Variants in MED13L observed in about 807,000 individuals in gnomAD.
MED13L encodes mediator complex subunit 13L, also known as mediator of RNA polymerase II transcription subunit 13-like.
MED13L carries 7 observed loss-of-function variants against 220.9 expected under a neutral mutation model. The observed-to-expected ratio is 0.03, with a 90% CI of 0.02 to 0.06. MED13L has a LOEUF of 0.06. Among genes scored for constraint, MED13L ranks in the 10% least tolerant of loss-of-function variants. The probability of loss-of-function intolerance (pLI) is 1.00; values close to 1 mark genes in which losing one functional copy is unlikely to be tolerated. For missense variants in MED13L, 1,965 were observed against 2,760.5 expected (o/e 0.71, Z 6.46); for synonymous variants, 1,011 against 1,015.2 (o/e 1.00, Z 0.08).
chr12:116,241,046 C>G (rs1035238317), intron 1 of MED13L, among the ~76,000 whole-genome samples: 1 of 151,812 alleles, frequency 6.6e-6, no homozygotes, highest in Non-Finnish European at 1.5e-5. Context: ...CAGTGGCTCA[C>G]GCCTGTAATC....
intron 2 of MED13L, among the ~76,000 whole-genome samples, chr12:116,148,076 A>AGGG (rs1555216256): frequency 1.2e-4 from 6 of 50,526 alleles, no homozygotes; most frequent in African/African-American, 1.6e-4. Flanking sequence ...AAAAAAAAAG[A>AGGG]GGGGGGCGGG....
chr12:116,259,748 T>C (rs996911272), intron 1 of MED13L, among the ~76,000 whole-genome samples: 7 of 152,262 alleles, frequency 4.6e-5, no homozygotes, highest in African/African-American at 1.2e-4. Context: ...TCTGGAATAA[T>C]ACAAATTAAA....
rs749456428 is a variant in MED13L at position 115,982,445 on chromosome 12, C to T, written c.5114G>A (p.Arg1705His). Residue 1705 changes from arginine to histidine, a missense_variant, in exon 22 of 31, where the codon CGC becomes CAC. Arg to His is a conservative substitution (Grantham distance 29). Around this residue, in one of 10 missense-constraint regions of MED13L, gnomAD observed 510 missense variants for 620.4 expected, o/e 0.82. Coordinates refer to ENST00000281928, the MANE Select transcript of MED13L (RefSeq NM_015335.5). ...ATTATCCAGCATTTCTGTGTAGCAG[C>T]GCATCAAGCTCAACAGCCAAAAGTT... ...SGNFWLLSLM[R>H]CYTEMLDNLP... is the part of the protein sequence containing the mutation. 14 of 1,614,010 alleles carry T rather than the reference C, an allele frequency of 8.7e-6. No individual in the cohort carries two copies. The highest frequency in any genetic ancestry group is 1.7e-5 in the Admixed American group (1 of 60,002).
intron 4 of MED13L, among the ~76,000 whole-genome samples, chr12:116,030,968 A>G (rs1880701476): frequency 6.6e-6 from 1 of 152,226 alleles, no homozygotes; most frequent in Admixed American, 6.5e-5. Context: ...TAACATCAGC[A>G]AATCTATGAA....
At chr12:116,234,077 T>C (rs1869837018) in intron 2 of MED13L, among the ~76,000 whole-genome samples, 1 of 152,154 alleles carries the variant, frequency 6.6e-6, no homozygotes, top group African/African-American at 2.4e-5. Context: ...TAGGACGCTA[T>C]TTGGAGTACG....
intron 2 of MED13L, among the ~76,000 whole-genome samples, chr12:116,157,526 ACTCCTTT>A (rs2138120382): frequency 6.6e-6 from 1 of 152,272 alleles, no homozygotes; most frequent in South Asian, 2.1e-4. Context: ...GTAGTATACT[ACTCCTTT>A]CTTTGGCAAC....
At chr12:116,107,484 G>A (rs1417252458) in intron 3 of MED13L, among the ~76,000 whole-genome samples, 2 of 152,144 alleles carry the variant, frequency 1.3e-5, no homozygotes, top group East Asian at 3.8e-4. Flanking sequence ...GTATTATTCT[G>A]TGAGAAATTT....
chr12:116,149,123 C>G (rs1877823853), intron 2 of MED13L, among the ~76,000 whole-genome samples: 2 of 152,206 alleles, frequency 1.3e-5, no homozygotes, highest in African/African-American at 4.8e-5. Flanking sequence ...GGCTACCCTG[C>G]TCCCATCTCT....
chr12:115,993,965 A>G (rs544049753), intron 16 of MED13L, among the ~76,000 whole-genome samples: 77 of 152,364 alleles, frequency 5.1e-4, no homozygotes, highest in Non-Finnish European at 4.7e-4. Flanking sequence ...GATGGCGAGC[A>G]GAGACCACAG....
chr12:116,226,642 G>A (rs1187440130), intron 2 of MED13L, among the ~76,000 whole-genome samples: 1 of 152,200 alleles, frequency 6.6e-6, no homozygotes, highest in African/African-American at 2.4e-5. Context: ...GCCCAGGAGG[G>A]CAGATCACTT....
chr12:116,260,657 G>A (rs2138555656), intron 1 of MED13L, among the ~76,000 whole-genome samples: 1 of 152,232 alleles, frequency 6.6e-6, no homozygotes, highest in Middle Eastern at 3.4e-3. Flanking sequence ...CAAGCAATAA[G>A]TACCAATGAT....
intron 8 of MED13L, among the ~76,000 whole-genome samples, chr12:116,014,507 TTCTA>T: frequency 6.6e-6 from 1 of 152,184 alleles, no homozygotes; most frequent in Admixed American, 6.5e-5. Flanking sequence ...CAGCAGTCTT[TTCTA>T]AAAATCAATT....
At chr12:116,233,071 A>G (rs985022948) in intron 2 of MED13L, among the ~76,000 whole-genome samples, 19 of 148,548 alleles carry the variant, frequency 1.3e-4, no homozygotes, top group African/African-American at 4.2e-4. Context: ...TGGGCAACAG[A>G]GCAAGACTCT....
At chr12:116,272,955 T>C (rs1181577166) in intron 1 of MED13L, among the ~76,000 whole-genome samples, 4 of 152,214 alleles carry the variant, frequency 2.6e-5, no homozygotes, top group African/African-American at 9.6e-5. Context: ...CATGTGCTAC[T>C]AACAACAAAA....
chr12:116,215,411 C>T (rs1882932701), intron 2 of MED13L, among the ~76,000 whole-genome samples: 1 of 152,168 alleles, frequency 6.6e-6, no homozygotes, highest in African/African-American at 2.4e-5. Context: ...AGTGTGGTTC[C>T]TATCTATCTT....
In MED13L at chr12:116,195,555, G is replaced by A. The variant is rs1214694439; in HGVS notation, c.310+41913C>T. On this transcript the variant is annotated intron_variant, in intron 2 of 30. Transcript: ENST00000281928. ...AACCTCCGCCTCCCAGGTTCAAAGC[G>A]ATTCTCCTGCCTCAGCTTCCCAAGT... Among the ~76,000 whole-genome samples the A allele has an allele frequency of 5.3e-5, 8 of 152,104 alleles. No homozygotes were observed. In the East Asian group the frequency reaches 7.7e-4, roughly 15 times the overall value.
chr12:116,007,093 G>A (rs549931911), intron 11 of MED13L: 16 of 367,876 alleles, frequency 4.3e-5, no homozygotes, highest in African/African-American at 2.3e-4. Context: ...TGGGTAGTTC[G>A]GAATAATATT....
At chr12:116,098,633 C>T (rs1872814296) in intron 3 of MED13L, among the ~76,000 whole-genome samples, 2 of 152,022 alleles carry the variant, frequency 1.3e-5, no homozygotes, top group Admixed American at 6.5e-5. Flanking sequence ...GCAGTCAATT[C>T]GGAGAACCAA....
chr12:115,984,384 G>GTTAT lies in MED13L; in HGVS notation c.4339-13_4339-12insATAA. 1 of 1,613,704 alleles carries GTTAT rather than the reference G, an allele frequency of 6.2e-7. No individual in the cohort carries two copies. On this transcript the variant is annotated splice_polypyrimidine_tract_variant and intron_variant, in intron 19 of 30. Coordinates refer to ENST00000281928, the MANE Select transcript of MED13L (RefSeq NM_015335.5). ...CCAAGCCTACACATCTGATATCATA[G>GTTAT]ACAAGATCATTAGTTATAACAGGAG...
Sources: gnomAD v4.1 joint callset for allele counts (sites outside exome capture counted in the v4.1 genomes callset) on GRCh38, gnomAD v4.1.1 for gene constraint, gnomAD v4.1.1 regional missense constraint, MANE v1.5 for transcripts, NCBI Gene and HGNC (gene_info 2026-07-23, HGNC 2026-07-21) for gene names.